ERICH1: variants seen among roughly 807,000 people sequenced by gnomAD.
ERICH1 encodes glutamate-rich protein 1.
Under a neutral mutation model 39.6 loss-of-function variants are expected in ERICH1, and 56 were observed. The ratio of observed to expected loss-of-function variants is 1.41; its 90% CI spans 1.14 to 1.77. ERICH1 has a LOEUF of 1.77. Ranked by LOEUF, ERICH1 falls within the 40% of genes most tolerant of loss-of-function variation. The pLI is 0.00. For missense variants in ERICH1, 826 were observed against 575.4 expected, an observed-to-expected ratio of 1.44 and a Z score of -4.45; for synonymous variants, 313 against 223.6, an observed-to-expected ratio of 1.40 and a Z score of -3.57.
intron 5 of ERICH1, chr8:667,718 A>G (rs896521): frequency 1 from 152,929 of 152,982 alleles, 76,438 homozygotes; most frequent in Middle Eastern, 1. Context: ...TCCCTGCACC[A>G]GTGCCACGGC....
chr8:616,480 C>A, intron 3 of ERICH1: 1 of 455,062 alleles, frequency 2.2e-6, no homozygotes, highest in Non-Finnish European at 4.4e-6. Context: ...CAAACCCAGA[C>A]AGGTACGGCC....
intron 1 of ERICH1, among the ~76,000 whole-genome samples, chr8:723,256 G>T (rs1236610060): frequency 6.6e-6 from 1 of 152,226 alleles, no homozygotes; most frequent in Non-Finnish European, 1.5e-5. Context: ...TGTACAGCCT[G>T]CAGAACCGTG....
chr8:730,677 A>C (rs749146274), intron 1 of ERICH1, among the ~76,000 whole-genome samples: 46 of 152,206 alleles, frequency 3.0e-4, no homozygotes, highest in Non-Finnish European at 5.9e-4. Flanking sequence ...ACTGAAGGTA[A>C]ACACCATGAC....
Position 647,667 on chromosome 8 carries a change from A to T in ERICH1, c.976+20931T>A, listed in dbSNP as rs1357583107. On this transcript the variant is annotated intron_variant, in intron 3 of 3. Coordinates refer to the ERICH1 transcript ENST00000522706. ...CCCGGGAAGCTGTCTGGCAGCCCTG[A>T]TGGAGTTGAGCCAGCCCACTCCTGG... is the stretch of plus-strand genomic sequence containing the variant. Among the ~76,000 whole-genome samples, 4 of 66,324 alleles carry T rather than the reference A, an allele frequency of 6.0e-5. 1 individual carries two copies. The highest frequency in any genetic ancestry group is 1.6e-4 in the African/African-American group (4 of 25,402). The allele number at this position is 66,324 out of a possible 152,430, so 43.5% of individuals were successfully genotyped here.
intron 2 of ERICH1, among the ~76,000 whole-genome samples, chr8:694,844 C>T (rs1253392652): frequency 1.3e-5 from 2 of 152,116 alleles, no homozygotes; most frequent in African/African-American, 2.4e-5. Flanking sequence ...ATGGGGTGGG[C>T]GGCAGCGAGA....
chr8:619,438 G>A (rs919088488), intron 3 of ERICH1, among the ~76,000 whole-genome samples: 1 of 152,108 alleles, frequency 6.6e-6, no homozygotes, highest in South Asian at 2.1e-4. Flanking sequence ...TACATTATTT[G>A]TATTATAACA....
chr8:696,670 G>A (rs111162125), intron 2 of ERICH1, among the ~76,000 whole-genome samples: 2 of 28,446 alleles, frequency 7.0e-5, no homozygotes, highest in Admixed American at 3.7e-4. Flanking sequence ...ATCAGCCTGC[G>A]CTCGCTCCTC....
chr8:640,690 G>A (rs1798880014), intron 3 of ERICH1: 1 of 152,174 alleles, frequency 6.6e-6, no homozygotes, highest in South Asian at 2.1e-4. Context: ...ATGTACGGAT[G>A]GAAAGAGTCC....
intron 3 of ERICH1, among the ~76,000 whole-genome samples, chr8:628,561 G>C (rs534654527): frequency 6.6e-6 from 1 of 152,334 alleles, no homozygotes; most frequent in East Asian, 1.9e-4. Context: ...CATGGGACCC[G>C]AGAGGACTCC....
chr8:626,932 C>G, intron 3 of ERICH1: 3 of 351,548 alleles, frequency 8.5e-6, no homozygotes, highest in South Asian at 2.1e-5. Flanking sequence ...CCAGGGCCAG[C>G]TGGGACCCTC....
chr8:618,219 C>T (rs1254493015), intron 3 of ERICH1, among the ~76,000 whole-genome samples: 1 of 151,906 alleles, frequency 6.6e-6, no homozygotes, highest in Non-Finnish European at 1.5e-5. Flanking sequence ...CTTGGTCCAT[C>T]TCACTGCCCT....
intron 1 of ERICH1, among the ~76,000 whole-genome samples, chr8:721,587 C>T (rs1053845161): frequency 3.9e-5 from 6 of 152,234 alleles, no homozygotes; most frequent in Non-Finnish European, 7.3e-5. Flanking sequence ...ACCAAAACCA[C>T]ACTGCATGGC....
chr8:728,395 C>G (rs929471745), intron 1 of ERICH1, among the ~76,000 whole-genome samples: 2 of 152,196 alleles, frequency 1.3e-5, no homozygotes, highest in Non-Finnish European at 2.9e-5. Flanking sequence ...GATGCAGTCA[C>G]TCCTTCCAGG....
At chr8:708,940 C>G (rs1814080595) in intron 2 of ERICH1, among the ~76,000 whole-genome samples, 1 of 151,914 alleles carries the variant, frequency 6.6e-6, no homozygotes, top group African/African-American at 2.4e-5. Flanking sequence ...AGTGATCCAC[C>G]CACCTCAGCC....
At chr8:706,896 T>C (rs1813404740) in intron 2 of ERICH1, among the ~76,000 whole-genome samples, 1 of 152,170 alleles carries the variant, frequency 6.6e-6, no homozygotes, top group South Asian at 2.1e-4. Context: ...GACAATGTAA[T>C]AGTGTTAAGA....
chr8:703,575 T>G (rs1024799916), intron 2 of ERICH1, among the ~76,000 whole-genome samples: 80 of 152,212 alleles, frequency 5.3e-4, no homozygotes, highest in African/African-American at 1.9e-3. Flanking sequence ...GCACCATAAC[T>G]GAAGGCAAAG....
chr8:617,805 G>A (rs1469323542), intron 3 of ERICH1, among the ~76,000 whole-genome samples: 1 of 146,458 alleles, frequency 6.8e-6, no homozygotes, highest in Middle Eastern at 3.8e-3. Flanking sequence ...TGCCCTATGA[G>A]TGTTCACTAC....
chr8:683,258 G>C (rs1806543129), intron 3 of ERICH1, among the ~76,000 whole-genome samples: 1 of 152,176 alleles, frequency 6.6e-6, no homozygotes, highest in African/African-American at 2.4e-5. Context: ...GCCACAGAGA[G>C]AGGAATTCAT....
chr8:669,839 G>C (rs1420908519), intron 4 of ERICH1, among the ~76,000 whole-genome samples: 1 of 152,258 alleles, frequency 6.6e-6, no homozygotes, highest in Non-Finnish European at 1.5e-5. Flanking sequence ...CTGTTCAGCA[G>C]TATGACTGCA....
Sources: gnomAD v4.1 joint callset for allele counts (sites outside exome capture counted in the v4.1 genomes callset) on GRCh38, gnomAD v4.1.1 for gene constraint, MANE v1.5 for transcripts, NCBI Gene and HGNC (gene_info 2026-07-23, HGNC 2026-07-21) for gene names.